Variants in KCNIP4 observed in about 807,000 individuals in gnomAD.
KCNIP4 encodes the protein potassium voltage-gated channel interacting protein 4.
In KCNIP4, 12 loss-of-function variants were observed where a neutral mutation model predicts 34.0. The observed-to-expected ratio is 0.35, with a 90% CI of 0.23 to 0.57. The LOEUF is 0.57. KCNIP4 is among the 20% of genes least tolerant of loss of function. KCNIP4 has a pLI of 0.83. For missense variants in KCNIP4, 238 were observed against 311.7 expected (o/e 0.76, Z 1.78); for synonymous variants, 124 against 102.2 (o/e 1.21, Z -1.29).
chr4:21,859,935 G>T (rs1223256620), intron 1 of KCNIP4, among the ~76,000 whole-genome samples: 1 of 152,060 alleles, frequency 6.6e-6, no homozygotes, highest in Non-Finnish European at 1.5e-5. Flanking sequence ...TCACTACTTG[G>T]GAGGCTGAGG....
At chr4:20,830,210 C>T (rs915228225) in intron 3 of KCNIP4, among the ~76,000 whole-genome samples, 7 of 152,168 alleles carry the variant, frequency 4.6e-5, no homozygotes, top group Non-Finnish European at 7.3e-5. Flanking sequence ...CAGTGTAACT[C>T]CAGAGTCTTT....
At chr4:21,258,209 G>A (rs1299376858) in intron 1 of KCNIP4, among the ~76,000 whole-genome samples, 3 of 152,094 alleles carry the variant, frequency 2.0e-5, no homozygotes, top group Non-Finnish European at 4.4e-5. Context: ...CCCATTAGGT[G>A]ATTTATTGAT....
intron 1 of KCNIP4, among the ~76,000 whole-genome samples, chr4:21,804,777 T>C (rs182801245): frequency 3.9e-5 from 6 of 152,300 alleles, no homozygotes; most frequent in Admixed American, 3.9e-4. Context: ...AAAACTTTAT[T>C]ATCTCCCTCC....
At position 21,826,042 on chromosome 4, in the gene KCNIP4, G is replaced by A. The variant is rs377184571; in HGVS notation, c.61+122529C>T. ...AGAACCTAAAGTGCAAATGGAATTG[G>A]CCTTTTCAGTGTCCAGGAAAAGGCC... On this transcript the variant is annotated intron_variant, in intron 1 of 8. Coordinates refer to ENST00000382152, the MANE Select transcript of KCNIP4 (RefSeq NM_025221.6). Among the ~76,000 whole-genome samples, 66 of 152,184 alleles carry A rather than the reference G, an allele frequency of 4.3e-4. 1 individual carries two copies. In the South Asian group the frequency reaches 0.011, roughly 26 times the overall value.
intron 1 of KCNIP4, among the ~76,000 whole-genome samples, chr4:21,457,647 T>C (rs1729074301): frequency 6.6e-6 from 1 of 151,972 alleles, no homozygotes; most frequent in African/African-American, 2.4e-5. Flanking sequence ...ACAGAATCCC[T>C]CTTTCCCGCA....
intron 1 of KCNIP4, among the ~76,000 whole-genome samples, chr4:21,090,662 A>G (rs1432028987): frequency 3.3e-5 from 5 of 152,244 alleles, no homozygotes; most frequent in Admixed American, 2.6e-4. Flanking sequence ...TTTCATAAAC[A>G]TAATTTTGTT....
rs969033078 is a variant in KCNIP4 at position 20,986,488 on chromosome 4, TA to T, written c.62-103780del. Among the ~76,000 whole-genome samples, 26 of 151,654 alleles carry T rather than the reference TA, an allele frequency of 1.7e-4. 2 individuals are homozygous for T. Among genetic ancestry groups the T allele is most frequent in the African/African-American group, 5.6e-4 (23 of 41,334 alleles). On this transcript the variant is annotated intron_variant, in intron 1 of 8. Transcript: ENST00000382152. The stretch of plus-strand genomic sequence containing the variant: ...CGTTTAGCTACAGAAAGTCAAAAGT[TA>T]AAAAAAAATTACAGAAATTAATTAG...
intron 1 of KCNIP4, among the ~76,000 whole-genome samples, chr4:21,794,389 A>G (rs1224482661): frequency 6.6e-6 from 1 of 152,230 alleles, no homozygotes; most frequent in Non-Finnish European, 1.5e-5. Context: ...GCTTAATTGA[A>G]TGGGTACATT....
intron 1 of KCNIP4, among the ~76,000 whole-genome samples, chr4:21,622,487 C>A (rs12502842): frequency 0.2 from 30,250 of 152,100 alleles, 3,019 homozygotes; most frequent in Middle Eastern, 0.25. Flanking sequence ...GGCAAGACAA[C>A]CTTGCTTTCC....
At chr4:21,598,601 A>T (rs1742843074) in intron 1 of KCNIP4, among the ~76,000 whole-genome samples, 1 of 152,086 alleles carries the variant, frequency 6.6e-6, no homozygotes. Flanking sequence ...CAACTCATTA[A>T]TCCCTCACAG....
intron 1 of KCNIP4, among the ~76,000 whole-genome samples, chr4:21,388,114 A>G (rs1266133787): frequency 1.3e-5 from 2 of 152,190 alleles, no homozygotes; most frequent in African/African-American, 4.8e-5. Context: ...GTGTGCTGAA[A>G]GATTTCAGGT....
intron 1 of KCNIP4, among the ~76,000 whole-genome samples, chr4:21,464,182 T>C (rs137964815): frequency 7.9e-5 from 12 of 152,096 alleles, no homozygotes; most frequent in African/African-American, 2.9e-4. Context: ...TGATTTTTTG[T>C]TTTTCTATTT....
chr4:20,822,289 C>T (rs747609572), intron 3 of KCNIP4, among the ~76,000 whole-genome samples: 11 of 152,066 alleles, frequency 7.2e-5, no homozygotes, highest in Non-Finnish European at 1.5e-4. Context: ...AGAAAATATA[C>T]AAACAAATGG....
At chr4:21,501,791 T>C (rs1179515803) in intron 1 of KCNIP4, among the ~76,000 whole-genome samples, 1 of 151,030 alleles carries the variant, frequency 6.6e-6, no homozygotes, top group African/African-American at 2.4e-5. Flanking sequence ...TAACCAACCT[T>C]AAATGCAACT....
chr4:21,069,412 A>G (rs1191229901), intron 1 of KCNIP4, among the ~76,000 whole-genome samples: 2 of 152,218 alleles, frequency 1.3e-5, no homozygotes, highest in African/African-American at 4.8e-5. Context: ...GTCACCTTGG[A>G]TATTTGAAAC....
chr4:21,441,819 G>T (rs918466017), intron 1 of KCNIP4, among the ~76,000 whole-genome samples: 4 of 152,150 alleles, frequency 2.6e-5, no homozygotes, highest in African/African-American at 9.7e-5. Context: ...TTTCCTGTGG[G>T]AACATATGAC....
At chr4:20,956,381 C>T (rs546069218) in intron 1 of KCNIP4, among the ~76,000 whole-genome samples, 134 of 151,884 alleles carry the variant, frequency 8.8e-4, no homozygotes, top group Middle Eastern at 6.8e-3. Flanking sequence ...GGCGGGTGCC[C>T]GTGGTCCCAG....
At chr4:21,425,010 A>G (rs1314871909) in intron 1 of KCNIP4, among the ~76,000 whole-genome samples, 1 of 152,202 alleles carries the variant, frequency 6.6e-6, no homozygotes, top group East Asian at 1.9e-4. Context: ...GATAAAATGT[A>G]TTCAGTACAG....
chr4:20,970,419 T>G (rs1167533275), intron 1 of KCNIP4, among the ~76,000 whole-genome samples: 3 of 152,214 alleles, frequency 2.0e-5, no homozygotes, highest in Non-Finnish European at 4.4e-5. Context: ...AAATTTAAAT[T>G]TAGTTTGTAA....
Sources: gnomAD v4.1 joint callset for allele counts (sites outside exome capture counted in the v4.1 genomes callset) on GRCh38, gnomAD v4.1.1 for gene constraint, MANE v1.5 for transcripts, NCBI Gene and HGNC (gene_info 2026-07-23, HGNC 2026-07-21) for gene names.